Variants in SKAP2 observed in about 807,000 individuals in gnomAD.
SKAP2 encodes the protein src kinase-associated phosphoprotein 2.
A neutral mutation model predicts 54.9 loss-of-function variants in SKAP2; 28 were observed. The observed-to-expected ratio is 0.51, with a 90% CI of 0.38 to 0.70. The LOEUF is 0.70. Ranked by LOEUF, SKAP2 falls within the 30% of genes least tolerant of loss-of-function variation. The pLI is 0.00. For missense variants in SKAP2, 356 were observed against 424.1 expected (o/e 0.84, Z 1.41); for synonymous variants, 137 against 134.3 (o/e 1.02, Z -0.14).
chr7:26,689,268 G>A (rs530440346), intron 10 of SKAP2, among the ~76,000 whole-genome samples: 1 of 152,290 alleles, frequency 6.6e-6, no homozygotes, highest in Non-Finnish European at 1.5e-5. Context: ...GCAAGACACA[G>A]AGATGATATG....
the SKAP2 span, among the ~76,000 whole-genome samples, chr7:26,661,211 C>T: frequency 5.3e-5 from 8 of 151,970 alleles, no homozygotes; most frequent in African/African-American, 1.9e-4. Context: ...TTACATGTAA[C>T]GAGGTTCTGG....
intron 6 of SKAP2, 132 bp downstream of exon 6, chr7:26,738,663 T>C (rs753364069): frequency 4.0e-5 from 23 of 571,278 alleles, no homozygotes; most frequent in Admixed American, 2.8e-4. Flanking sequence ...CATAAATTAG[T>C]CAGATTATAA....
At chr7:26,790,511 C>T (rs1783652167) in intron 4 of SKAP2, among the ~76,000 whole-genome samples, 2 of 152,114 alleles carry the variant, frequency 1.3e-5, no homozygotes, top group African/African-American at 4.8e-5. Flanking sequence ...AGAAGAAATA[C>T]TAACAAAAGG....
chr7:26,861,412 A>C (rs1218486488), intron 1 of SKAP2, among the ~76,000 whole-genome samples: 2 of 152,150 alleles, frequency 1.3e-5, no homozygotes, highest in African/African-American at 4.8e-5. Flanking sequence ...CCTGTAATGC[A>C]TATGGCAGCT....
intron 9 of SKAP2, among the ~76,000 whole-genome samples, chr7:26,714,320 C>T (rs1280487872): frequency 6.6e-6 from 1 of 152,150 alleles, no homozygotes; most frequent in East Asian, 1.9e-4. Context: ...ACTGCCCCAT[C>T]TTAACTTCTT....
At chr7:26,703,061 T>C (rs1024706451) in intron 9 of SKAP2, among the ~76,000 whole-genome samples, 1 of 152,228 alleles carries the variant, frequency 6.6e-6, no homozygotes, top group Non-Finnish European at 1.5e-5. Context: ...TTCTAACAAG[T>C]TTCCAGCCCA....
intron 4 of SKAP2, among the ~76,000 whole-genome samples, chr7:26,818,424 T>C (rs917644363): frequency 6.6e-6 from 1 of 152,160 alleles, no homozygotes; most frequent in African/African-American, 2.4e-5. Context: ...TTACACCTTA[T>C]ACAAAAATTA....
intron 4 of SKAP2, among the ~76,000 whole-genome samples, chr7:26,765,951 G>A (rs963620235): frequency 2.6e-5 from 4 of 151,982 alleles, no homozygotes; most frequent in Admixed American, 2.0e-4. Flanking sequence ...TTAGCTATGC[G>A]GGCCCTTTTT....
chr7:26,840,391 T>C (rs1406376609), intron 4 of SKAP2, among the ~76,000 whole-genome samples: 1 of 152,092 alleles, frequency 6.6e-6, no homozygotes, highest in Non-Finnish European at 1.5e-5. Context: ...CTTTCCATAG[T>C]GCTATATAGT....
chr7:26,810,970 AC>A (rs1784130791), intron 4 of SKAP2, among the ~76,000 whole-genome samples: 2 of 151,728 alleles, frequency 1.3e-5, no homozygotes, highest in Admixed American at 1.3e-4. Context: ...ATGAGCCACC[AC>A]CCCCAGCCCT....
At chr7:26,775,085 G>A (rs1048673470) in intron 4 of SKAP2, among the ~76,000 whole-genome samples, 2 of 152,134 alleles carry the variant, frequency 1.3e-5, no homozygotes, top group South Asian at 2.1e-4. Context: ...AGATTTACAT[G>A]CACACAAACA....
chr7:26,788,824 G>GCA (rs143795258), intron 4 of SKAP2, among the ~76,000 whole-genome samples: 5,953 of 150,952 alleles, frequency 0.039, 369 homozygotes, highest in African/African-American at 0.14. Flanking sequence ...ACACACGTGC[G>GCA]CACACACACA....
chr7:26,664,745 AAGAG>A (rs1213494640), downstream of SKAP2, among the ~76,000 whole-genome samples: 4 of 148,934 alleles, frequency 2.7e-5, no homozygotes, highest in Admixed American at 6.7e-5. Flanking sequence ...AAAAAAAAAA[AAGAG>A]GAGAGAAACC....
the SKAP2 span, among the ~76,000 whole-genome samples, chr7:26,659,424 G>A: frequency 6.6e-6 from 1 of 152,130 alleles, no homozygotes; most frequent in Non-Finnish European, 1.5e-5. Flanking sequence ...AGTGCAGCAA[G>A]AGGTGTAATG....
At chr7:26,686,584 T>C (rs746045249) in intron 10 of SKAP2, among the ~76,000 whole-genome samples, 31 of 152,148 alleles carry the variant, frequency 2.0e-4, no homozygotes, top group African/African-American at 6.5e-4. Flanking sequence ...ACTTCAAACA[T>C]TGTCAATTTT....
chr7:26,849,410 G>A (rs986979506), intron 3 of SKAP2, among the ~76,000 whole-genome samples: 29 of 152,002 alleles, frequency 1.9e-4, no homozygotes, highest in South Asian at 6.2e-4. Context: ...ACACTAGGCC[G>A]GGCACAGTGG....
intron 4 of SKAP2, among the ~76,000 whole-genome samples, chr7:26,824,180 C>T (rs1784442998): frequency 6.6e-6 from 1 of 152,182 alleles, no homozygotes; most frequent in Non-Finnish European, 1.5e-5. Context: ...CAGCCATCCA[C>T]ATTGAGACGA....
At chr7:26,773,419 T>G (rs1189286728) in intron 4 of SKAP2, among the ~76,000 whole-genome samples, 4 of 152,218 alleles carry the variant, frequency 2.6e-5, no homozygotes. Context: ...GTTACAGGCT[T>G]TTCTCAGTTA....
chr7:26,853,313 T>C (rs1051915255), intron 3 of SKAP2, among the ~76,000 whole-genome samples: 2 of 152,290 alleles, frequency 1.3e-5, no homozygotes, highest in Non-Finnish European at 2.9e-5. Flanking sequence ...CCTAGCTCCA[T>C]GGAGGTTAAC....
Sources: allele counts gnomAD v4.1 joint callset (sites outside exome capture counted in the v4.1 genomes callset), GRCh38; gene constraint gnomAD v4.1.1; transcripts MANE v1.5; gene names NCBI Gene and HGNC (gene_info 2026-07-23, HGNC 2026-07-21).